The following STARD13 variants were observed in gnomAD, a reference collection of about 807,000 sequenced individuals.
STARD13 encodes the protein StAR related lipid transfer domain containing 13, also known as stAR-related lipid transfer protein 13.
A neutral mutation model predicts 106.4 loss-of-function variants in STARD13; 62 were observed. The observed-to-expected ratio is 0.58, with a 90% CI of 0.48 to 0.72. The LOEUF (loss-of-function observed/expected upper bound fraction) is 0.72, where lower values mean the gene tolerates loss of function less well. STARD13 is among the 30% of genes least tolerant of loss of function. The pLI is 0.00. For synonymous variants in STARD13, 565 were observed against 553.0 expected, an observed-to-expected ratio of 1.02 and a Z score of -0.31; for missense variants, 1,387 against 1,424.0, an observed-to-expected ratio of 0.97 and a Z score of 0.42.
the STARD13 span, among the ~76,000 whole-genome samples, chr13:33,439,442 G>A: frequency 3.9e-5 from 6 of 152,220 alleles, no homozygotes; most frequent in Admixed American, 2.0e-4. Flanking sequence ...TTCTTTCTGT[G>A]TAAAATCAAC....
chr13:33,490,264 G>C, the STARD13 span, among the ~76,000 whole-genome samples: 12 of 152,182 alleles, frequency 7.9e-5, no homozygotes, highest in Non-Finnish European at 1.8e-4. Context: ...ATGGACAGGA[G>C]ACAGGGAAAT....
Position 33,292,211 on chromosome 13 carries a change from A to G in STARD13, c.124+58079T>C, listed in dbSNP as rs987977243. ...GTGGCTTAAGATGCCTCTCTGACAA[A>G]GCAAAAACCCAGTTACAAAATTCAA... On this transcript the variant is annotated intron_variant, in intron 1 of 5. Coordinates refer to the STARD13 transcript ENST00000567873. Among the ~76,000 whole-genome samples, 5 of 152,260 alleles carry G rather than the reference A, an allele frequency of 3.3e-5. No individual in the cohort carries two copies. In the East Asian group the frequency reaches 9.7e-4, roughly 29 times the overall value.
At chr13:33,373,176 G>A in the STARD13 span, among the ~76,000 whole-genome samples, 2 of 152,072 alleles carry the variant, frequency 1.3e-5, no homozygotes, top group Admixed American at 6.5e-5. Context: ...TAAGTGTTAA[G>A]ATTTTAAATC....
chr13:33,126,062 G>C lies in STARD13; in HGVS notation c.2082+19C>G, dbSNP rs181618558. 1.8e-4 allele frequency: 284 copies of C among 1,607,190 alleles called. 2 individuals are homozygous for C. Among genetic ancestry groups the C allele is most frequent in the South Asian group, 1.9e-4 (17 of 90,420 alleles). On this transcript the variant is annotated intron_variant, in intron 7 of 13. Transcript: ENST00000336934. The stretch of plus-strand genomic sequence containing the variant: ...TGGTTGGGGGTGGTGGGGCAGCAGC[G>C]GGGGGGTTACAGCCCTACCTGATCG...
At chr13:33,237,571 T>A (rs1410635655) in intron 1 of STARD13, among the ~76,000 whole-genome samples, 2 of 152,236 alleles carry the variant, frequency 1.3e-5, no homozygotes, top group African/African-American at 4.8e-5. Context: ...ATCTTGCTTC[T>A]CCAGTTAATC....
chr13:33,175,299 C>A (rs747915043), intron 1 of STARD13, among the ~76,000 whole-genome samples: 32 of 152,258 alleles, frequency 2.1e-4, no homozygotes, highest in Admixed American at 2.1e-3. Context: ...GAGCCACTGC[C>A]TACCACTAAA....
At chr13:33,299,829 T>C (rs565732289) in intron 1 of STARD13, among the ~76,000 whole-genome samples, 266 of 152,290 alleles carry the variant, frequency 1.7e-3, no homozygotes, top group African/African-American at 6.0e-3. Flanking sequence ...ACAGACATCA[T>C]CTCTGTCGTA....
chr13:33,406,652 C>A, the STARD13 span, among the ~76,000 whole-genome samples: 3 of 152,212 alleles, frequency 2.0e-5, no homozygotes, highest in African/African-American at 7.2e-5. Flanking sequence ...CTCTGTAAGG[C>A]ACATCCAAGC....
chr13:33,480,566 G>C, the STARD13 span, among the ~76,000 whole-genome samples: 2 of 152,032 alleles, frequency 1.3e-5, no homozygotes, highest in African/African-American at 4.8e-5. Flanking sequence ...TGAGAACCAG[G>C]ATTATCACTA....
the STARD13 span, among the ~76,000 whole-genome samples, chr13:33,636,662 G>C: frequency 6.6e-6 from 1 of 152,192 alleles, no homozygotes; most frequent in Non-Finnish European, 1.5e-5. Context: ...GGAGATAATT[G>C]CACTTGCTAT....
the STARD13 span, among the ~76,000 whole-genome samples, chr13:33,624,372 C>T: frequency 1.3e-5 from 2 of 152,232 alleles, no homozygotes; most frequent in African/African-American, 4.8e-5. Flanking sequence ...CACTTGTGGG[C>T]CCCGCTGCGG....
chr13:33,339,365 T>C (rs9569357), intron 1 of STARD13, among the ~76,000 whole-genome samples: 3,049 of 152,284 alleles, frequency 0.02, 121 homozygotes, highest in East Asian at 0.17. Context: ...CAGCTATAGG[T>C]ACCAAAAGTT....
At chr13:33,609,466 A>G in the STARD13 span, among the ~76,000 whole-genome samples, 2 of 152,136 alleles carry the variant, frequency 1.3e-5, no homozygotes, top group African/African-American at 4.8e-5. Context: ...ATTGCTGGTG[A>G]GCTTGAAAAT....
intron 4 of STARD13, among the ~76,000 whole-genome samples, chr13:33,135,368 C>T (rs929941014): frequency 3.9e-5 from 6 of 152,136 alleles, no homozygotes; most frequent in African/African-American, 1.4e-4. Flanking sequence ...GGGTAAAGAC[C>T]AGTCTGGGTG....
At chr13:33,556,969 T>A in the STARD13 span, among the ~76,000 whole-genome samples, 1 of 152,138 alleles carries the variant, frequency 6.6e-6, no homozygotes, top group Non-Finnish European at 1.5e-5. Flanking sequence ...TGCAACTTTT[T>A]ACCTGAAGCA....
At chr13:33,171,907 C>G (rs1803445404) in intron 1 of STARD13, among the ~76,000 whole-genome samples, 1 of 152,202 alleles carries the variant, frequency 6.6e-6, no homozygotes, top group African/African-American at 2.4e-5. Flanking sequence ...CAGACAGACC[C>G]AGCAGAGGGA....
intron 3 of STARD13, chr13:33,158,886 C>T (rs1159427538): frequency 6.6e-6 from 1 of 152,270 alleles, no homozygotes; most frequent in African/African-American, 2.4e-5. Context: ...ATCTGTCTAC[C>T]TCCTCTGCTT....
rs372427984 is a variant in STARD13, at chr13:33,167,514, A to G, written c.241+37T>C. On this transcript the variant is annotated intron_variant, in intron 2 of 13. Coordinates refer to ENST00000336934, the MANE Select transcript of STARD13 (RefSeq NM_178006.4). ...GATACGTGTGGTTCATTTTGGATTT[A>G]TTCTCTGTGTAAGAGCGAAGCGAAG... is the stretch of plus-strand genomic sequence containing the variant. 9 of 1,606,736 alleles carry G rather than the reference A, an allele frequency of 5.6e-6. No individual in the cohort carries two copies. In the African/African-American group the frequency reaches 1.2e-4, roughly 22 times the overall value.
rs534499688 is a variant in STARD13, at chr13:33,142,228, T to C, written c.387+82A>G. ...TATTATTTTTTTGTAGACACAAGGG[T>C]CTCACTATGTTGCTCAGATTGATCT... On this transcript the variant is annotated intron_variant, in intron 4 of 13. Coordinates refer to ENST00000336934, the MANE Select transcript of STARD13 (RefSeq NM_178006.4). 1.4e-5 allele frequency: 14 copies of C among 1,028,564 alleles called. No individual in the cohort carries two copies. In the Admixed American group the frequency reaches 2.1e-4, roughly 16 times the overall value. The allele number at this position is 1,028,564 out of a possible 1,614,324, so 63.7% of individuals were successfully genotyped here. A position where few individuals can be genotyped will look rare whatever the true frequency, so the allele number is the denominator to read the frequency against.
Sources: gnomAD v4.1 joint callset for allele counts (sites outside exome capture counted in the v4.1 genomes callset) on GRCh38, gnomAD v4.1.1 for gene constraint, MANE v1.5 for transcripts, NCBI Gene and HGNC (gene_info 2026-07-23, HGNC 2026-07-21) for gene names.